The following TRIM44 variants were observed in gnomAD, a reference collection of about 807,000 sequenced individuals.
TRIM44 encodes the protein tripartite motif containing 44, also known as tripartite motif-containing protein 44.
A neutral mutation model predicts 37.4 loss-of-function variants in TRIM44; 13 were observed. That is an observed-to-expected ratio of 0.35 (90% CI 0.23 to 0.55). The LOEUF is 0.55. Among genes scored for constraint, TRIM44 ranks in the 20% least tolerant of loss-of-function variants. The pLI is 0.89. For missense variants in TRIM44, 426 were observed against 437.2 expected (o/e 0.97, Z 0.23); for synonymous variants, 175 against 157.2 (o/e 1.11, Z -0.85).
At chr11:35,775,476 A>G (rs543835047) in intron 4 of TRIM44, among the ~76,000 whole-genome samples, 4 of 152,238 alleles carry the variant, frequency 2.6e-5, no homozygotes, top group East Asian at 3.9e-4. Flanking sequence ...TCTCCTGCCT[A>G]ATTGCCCTGG....
intron 1 of TRIM44, among the ~76,000 whole-genome samples, chr11:35,679,623 A>G (rs1851502381): frequency 6.6e-6 from 1 of 152,180 alleles, no homozygotes; most frequent in African/African-American, 2.4e-5. Context: ...GCTTCAGCCA[A>G]TTTCTGCTAT....
At chr11:35,751,553 C>G (rs1454176663) in intron 4 of TRIM44, among the ~76,000 whole-genome samples, 1 of 152,126 alleles carries the variant, frequency 6.6e-6, no homozygotes, top group African/African-American at 2.4e-5. Flanking sequence ...CATATAGGAG[C>G]AGTAGTACCT....
intron 2 of TRIM44, among the ~76,000 whole-genome samples, chr11:35,695,324 A>T (rs1851683690): frequency 6.6e-6 from 1 of 152,170 alleles, no homozygotes; most frequent in Non-Finnish European, 1.5e-5. Context: ...AATAGCACTA[A>T]TAACTGATGG....
rs1030778731 is a variant in TRIM44 at position 35,810,549 on chromosome 11, G to T, written c.*4164G>T. 2.0e-5 allele frequency: 3 copies of T among 152,104 alleles called. No individual in the cohort carries two copies. The highest frequency in any genetic ancestry group is 4.4e-5 in the Non-Finnish European group (3 of 68,006). 9.4% of individuals were successfully genotyped at this position (152,104 alleles called of 1,614,324 possible). A position where few individuals can be genotyped will look rare whatever the true frequency, so the allele number is the denominator to read the frequency against. On this transcript the variant is annotated 3_prime_UTR_variant, in exon 5 of 5. Transcript: ENST00000299413. ...AAGACTCAGGCAGTTCTTGATTCTG[G>T]AGGCCTGCCTGGTAAGATAAGATAG...
chr11:35,786,294 T>C (rs754568721), intron 4 of TRIM44, among the ~76,000 whole-genome samples: 1 of 152,206 alleles, frequency 6.6e-6, no homozygotes, highest in Non-Finnish European at 1.5e-5. Context: ...AAAATGACTT[T>C]CCCAAAGTTA....
At chr11:35,792,328 A>G (rs1853226485) in intron 4 of TRIM44, among the ~76,000 whole-genome samples, 1 of 152,238 alleles carries the variant, frequency 6.6e-6, no homozygotes. Context: ...AAATGAAGGA[A>G]TGACTCCCCA....
intron 4 of TRIM44, among the ~76,000 whole-genome samples, chr11:35,771,882 T>C (rs1205137282): frequency 6.6e-6 from 1 of 152,218 alleles, no homozygotes; most frequent in Non-Finnish European, 1.5e-5. Flanking sequence ...GGGAGCCGAA[T>C]GTTAATCCCC....
At chr11:35,675,759 A>G (rs1370628026) in intron 1 of TRIM44, among the ~76,000 whole-genome samples, 2 of 152,040 alleles carry the variant, frequency 1.3e-5, no homozygotes, top group African/African-American at 4.8e-5. Context: ...TGACTTCGTG[A>G]TCTACCCACC....
intron 4 of TRIM44, among the ~76,000 whole-genome samples, chr11:35,778,161 A>G (rs1852999762): frequency 6.6e-6 from 1 of 151,396 alleles, no homozygotes; most frequent in South Asian, 2.1e-4. Flanking sequence ...GTTTCTTTTT[A>G]CTCTTTTTTC....
At chr11:35,692,362 A>G (rs1246333088) in intron 2 of TRIM44, among the ~76,000 whole-genome samples, 1 of 152,156 alleles carries the variant, frequency 6.6e-6, no homozygotes, top group African/African-American at 2.4e-5. Context: ...ACTGGGTAAT[A>G]TTATGGTTCT....
chr11:35,773,207 T>C (rs946892425), intron 4 of TRIM44, among the ~76,000 whole-genome samples: 7 of 152,182 alleles, frequency 4.6e-5, no homozygotes, highest in Non-Finnish European at 1.0e-4. Flanking sequence ...TAAGTCCAAT[T>C]AAACCTCTTT....
At chr11:35,757,042 C>T (rs954370012) in intron 4 of TRIM44, among the ~76,000 whole-genome samples, 21 of 152,234 alleles carry the variant, frequency 1.4e-4, no homozygotes, top group African/African-American at 4.3e-4. Context: ...GGGAGGATTC[C>T]CTCTTTTTCT....
chr11:35,773,426 T>A lies in TRIM44; in HGVS notation c.1008-32932T>A, dbSNP rs191032099. Among the ~76,000 whole-genome samples, 347 of 152,278 alleles carry A rather than the reference T, an allele frequency of 2.3e-3. 6 individuals carry two copies. The highest frequency in any genetic ancestry group is 0.021 in the Admixed American group (322 of 15,286). ...TAGTTTGCAAATATTTTCTCCCACT[T>A]TGCAGGCTGTTTACTCGGTGGATAG... is the stretch of plus-strand genomic sequence containing the variant. On this transcript the variant is annotated intron_variant, in intron 4 of 4. Coordinates refer to ENST00000299413, the MANE Select transcript of TRIM44 (RefSeq NM_017583.6).
chr11:35,775,216 AT>A (rs1242550203), intron 4 of TRIM44, among the ~76,000 whole-genome samples: 2 of 152,066 alleles, frequency 1.3e-5, no homozygotes, highest in Non-Finnish European at 2.9e-5. Context: ...TAGGTATTTT[AT>A]TCTCTTTGAA....
intron 4 of TRIM44, among the ~76,000 whole-genome samples, chr11:35,768,276 T>TA: frequency 6.6e-6 from 1 of 152,342 alleles, no homozygotes; most frequent in South Asian, 2.1e-4. Flanking sequence ...CTTGCATACT[T>TA]AATTTAATTT....
Position 35,734,644 on chromosome 11 carries a change from T to C in TRIM44, c.988-782T>C, listed in dbSNP as rs149737222. The stretch of plus-strand genomic sequence containing the variant: ...TCCCTTGGGAAAGGCTTGAGAGTTA[T>C]TTGAAAAATCTAATTTGATCACAGA... On this transcript the variant is annotated intron_variant, in intron 3 of 4. Coordinates refer to ENST00000299413, the MANE Select transcript of TRIM44 (RefSeq NM_017583.6). Among the ~76,000 whole-genome samples the C allele has an allele frequency of 3.9e-5, 6 of 152,334 alleles. No homozygotes were observed. In the East Asian group the frequency reaches 1.2e-3, roughly 29 times the overall value.
intron 4 of TRIM44, among the ~76,000 whole-genome samples, chr11:35,801,879 C>A (rs547186706): frequency 6.6e-6 from 1 of 152,168 alleles, no homozygotes; most frequent in Non-Finnish European, 1.5e-5. Flanking sequence ...TGTTTTACAT[C>A]CCCTAAAAGA....
chr11:35,744,183 T>G (rs568397796), intron 4 of TRIM44, among the ~76,000 whole-genome samples: 1 of 152,318 alleles, frequency 6.6e-6, no homozygotes, highest in African/African-American at 2.4e-5. Context: ...CTCATTTCCC[T>G]ATTAGAGTAG....
At position 35,816,635 on chromosome 11, in the gene TRIM44, C is replaced by CA. The variant is rs555452534; in HGVS notation, c.*10256dup. The CA allele has an allele frequency of 1.9e-3, 283 of 152,240 alleles. 2 individuals carry two copies. The highest frequency in any genetic ancestry group is 6.5e-3 in the African/African-American group (271 of 41,546). 9.4% of individuals were successfully genotyped at this position (152,240 alleles called of 1,614,324 possible). A position where few individuals can be genotyped will look rare whatever the true frequency, so the allele number is the denominator to read the frequency against. ...ACTTGACCCTAGTGTTGCATCTTCA[C>CA]AAAAAAGAGCAATGTGCCGTCTTCT... On this transcript the variant is annotated 3_prime_UTR_variant, in exon 5 of 5. Transcript: ENST00000299413.
Sources: allele counts gnomAD v4.1 joint callset (sites outside exome capture counted in the v4.1 genomes callset), GRCh38; gene constraint gnomAD v4.1.1; transcripts MANE v1.5; gene names NCBI Gene and HGNC (gene_info 2026-07-23, HGNC 2026-07-21).